Variants in FBXO41 observed in about 807,000 individuals in gnomAD.
FBXO41 encodes the protein F-box protein 41, also known as F-box only protein 41.
Under a neutral mutation model 81.6 loss-of-function variants are expected in FBXO41, and 33 were observed. The ratio of observed to expected loss-of-function variants is 0.40; its 90% CI spans 0.31 to 0.54. The LOEUF is 0.54. Among genes scored for constraint, FBXO41 ranks in the 20% least tolerant of loss-of-function variants. The pLI, the probability that FBXO41 is intolerant of heterozygous loss-of-function variation, is 0.39. For synonymous variants in FBXO41, 576 were observed against 552.7 expected (o/e 1.04, Z -0.59); for missense variants, 1,107 against 1,236.0 (o/e 0.90, Z 1.56).
intron 1 of FBXO41, among the ~76,000 whole-genome samples, chr2:73,280,028 A>T (rs930762219): frequency 2.0e-5 from 3 of 152,202 alleles, no homozygotes; most frequent in Admixed American, 2.0e-4. Flanking sequence ...CAATGCCCCA[A>T]CACCCGCCTT....
chr2:73,269,670 C>T lies in FBXO41; in HGVS notation c.-40G>A. On this transcript the variant is annotated 5_prime_UTR_variant, in exon 2 of 13. Transcript: ENST00000520530. The surrounding 1 kb of genome is among the most constrained non-coding windows in gnomAD (Gnocchi z 7.0). ...CGCGGCACGCGGGCTCCACCGCGGC[C>T]GCCCCGCCGGTCAGCCGGGCGCGCT... 17 of 1,142,850 alleles carry T rather than the reference C, an allele frequency of 1.5e-5. No individual in the cohort carries two copies. Among genetic ancestry groups the T allele is most frequent in the Non-Finnish European group, 1.8e-5 (17 of 933,552 alleles). The allele number at this position is 1,142,850 out of a possible 1,614,324, so 70.8% of individuals were successfully genotyped here. A position where few individuals can be genotyped will look rare whatever the true frequency, so the allele number is the denominator to read the frequency against.
rs769972947 is a variant in FBXO41 at position 73,270,911 on chromosome 2, G to A, written c.-138-1143C>T. ...CACCTGCTGATCAGACAAGCCAGTT[G>A]TCATCAAGGGTCTTCACCTACTTGG... On this transcript the variant is annotated intron_variant, in intron 1 of 12. Coordinates refer to ENST00000520530, the MANE Select transcript of FBXO41 (RefSeq NM_001371389.2). The A allele has an allele frequency of 9.4e-6, 5 of 534,556 alleles. No individual in the cohort carries two copies. The Admixed American group carries it at 9.7e-5, about 10-fold the overall frequency. 33.1% of individuals were successfully genotyped at this position (534,556 alleles called of 1,614,324 possible).
At position 73,269,613 on chromosome 2, in the gene FBXO41, C is replaced by G; in HGVS notation, c.18G>C (p.Leu6=). Residue 6 remains leucine (L), a synonymous_variant, in exon 2 of 13, where the codon CTG becomes CTC. Transcript: ENST00000520530. The surrounding 1 kb of genome is among the most constrained non-coding windows in gnomAD (Gnocchi z 7.0). MASLD[L]PYRCPRCGEH... ...CCCCGCAGCGGGGGCAGCGGTACGG[C>G]AGGTCCAGCGAGGCCATGGCCCCGC... The G allele has an allele frequency of 7.8e-7, 1 of 1,282,856 alleles. No individual in the cohort carries two copies. The highest frequency in any genetic ancestry group is 1.6e-5 in the African/African-American group (1 of 63,650). 79.5% of individuals were successfully genotyped at this position (1,282,856 alleles called of 1,614,324 possible). A position where few individuals can be genotyped will look rare whatever the true frequency, so the allele number is the denominator to read the frequency against.
At chr2:73,270,486 C>T (rs1417235448) in intron 1 of FBXO41, among the ~76,000 whole-genome samples, 1 of 152,162 alleles carries the variant, frequency 6.6e-6, no homozygotes, top group African/African-American at 2.4e-5. Flanking sequence ...GTTGCAGTGA[C>T]CAAGACATCA....
At position 73,265,599 on chromosome 2, in the gene FBXO41, C is replaced by T; in HGVS notation, c.1247G>A (p.Cys416Tyr). The T allele has an allele frequency of 6.5e-7, 1 of 1,530,550 alleles. No individual in the cohort carries two copies. The highest frequency in any genetic ancestry group is 8.8e-7 in the Non-Finnish European group (1 of 1,140,894). The allele number at this position is 1,530,550 out of a possible 1,614,324, so 94.8% of individuals were successfully genotyped here. Residue 416 changes from cysteine (C) to tyrosine (Y), a missense_variant, in exon 5 of 13, where the codon TGC becomes TAC. Transcript: ENST00000520530. The part of the protein sequence containing the change: ...RVPAASQSSG[C>Y]YDSDSLELPR... ...CAGCTCCAGACTGTCACTGTCATAG[C>T]AGCCTGAGCTCTGGGATGCGGCTGG...
Position 73,269,511 on chromosome 2 carries a change from G to A in FBXO41, c.120C>T (p.Ile40=). ...EYSHTYETLY[I]LSKTNSICDG... ...CGCAGATGCTGTTGGTCTTGGAGAG[G>A]ATGTAGAGCGTCTCGTAGGTGTGGC... The change falls in exon 2 of 13, where the codon ATC becomes ATT. Residue 40 remains isoleucine, a synonymous_variant. Transcript: ENST00000520530. The surrounding 1 kb of genome is among the most constrained non-coding windows in gnomAD (Gnocchi z 7.0). 1 of 1,367,392 alleles carries A rather than the reference G, an allele frequency of 7.3e-7. No homozygotes were observed. Among genetic ancestry groups the A allele is most frequent in the Non-Finnish European group, 9.5e-7 (1 of 1,051,064 alleles). The allele number at this position is 1,367,392 out of a possible 1,614,324, so 84.7% of individuals were successfully genotyped here.
rs1687921928 is a variant in FBXO41, at chr2:73,259,220, C to T, written c.2526G>A (p.Glu842=). The T allele has an allele frequency of 6.2e-7, 1 of 1,613,906 alleles. No homozygotes were observed. Among genetic ancestry groups the T allele is most frequent in the African/African-American group, 1.3e-5 (1 of 74,932 alleles). The change falls in exon 12 of 13, where the codon GAG becomes GAA. Residue 842 remains glutamate, a synonymous_variant. Transcript: ENST00000520530. This position sits in a 1 kb window ranked among gnomAD's most constrained non-coding sequence, Gnocchi z 4.2. ...ADYFKEPSSP[E]AQKLFEDMVT... The stretch of plus-strand genomic sequence containing the variant: ...CCATGTCCTCAAACAGCTTCTGGGC[C>T]TCAGGGCTGCTGGGCTCTTTGAAAT...
chr2:73,265,775 C>G, intron 4 of FBXO41, 118 bp downstream of exon 4: 1 of 1,433,676 alleles, frequency 7.0e-7, no homozygotes, highest in Non-Finnish European at 9.4e-7. Flanking sequence ...TGTGGAAAGG[C>G]AGACATACGT....
Position 73,264,471 on chromosome 2 carries a change from C to T in FBXO41, c.1613G>A (p.Ser538Asn), listed in dbSNP as rs541815872. The T allele has an allele frequency of 1.9e-6, 3 of 1,613,900 alleles. No homozygotes were observed. Among genetic ancestry groups the T allele is most frequent in the East Asian group, 2.2e-5 (1 of 44,890 alleles). Residue 538 changes from serine (S) to asparagine (N), a missense_variant, in exon 6 of 13, where the codon AGC becomes AAC. Ser to Asn is a conservative substitution (Grantham distance 46). This residue lies in a region of FBXO41 where 771 missense variants were observed against 789.2 expected (regional missense o/e 0.98). Transcript: ENST00000520530. ...SGRGRRAERV[S>N]PSRSNEVISP... ...GATGACCTCATTGGAGCGTGAGGGG[C>T]TGACCCTCTCTGCTCGCCGACCCCG...
Position 73,269,476 on chromosome 2 carries a change from G to C in FBXO41, c.155C>G (p.Ala52Gly). The C allele has an allele frequency of 7.8e-7, 1 of 1,282,086 alleles. No individual in the cohort carries two copies. The highest frequency in any genetic ancestry group is 9.9e-7 in the Non-Finnish European group (1 of 1,011,460). The allele number at this position is 1,282,086 out of a possible 1,614,324, so 79.4% of individuals were successfully genotyped here. A position where few individuals can be genotyped will look rare whatever the true frequency, so the allele number is the denominator to read the frequency against. ...SKTNSICDGA[A>G]AAAAAAAAAS... ...AGCGGCGGCGGCGGCCGCGGCGGCG[G>C]CGGCGCCGTCGCAGATGCTGTTGGT... The change falls in exon 2 of 13, where the codon GCC (alanine) becomes GGC (glycine). Residue 52 changes from alanine (A) to glycine (G), a missense_variant. Around this residue, in one of 2 missense-constraint regions of FBXO41, gnomAD observed 771 missense variants for 789.2 expected, o/e 0.98. Transcript: ENST00000520530. The surrounding 1 kb of genome is among the most constrained non-coding windows in gnomAD (Gnocchi z 7.0).
chr2:73,280,525 C>T (rs949236498), intron 1 of FBXO41, among the ~76,000 whole-genome samples: 7 of 152,230 alleles, frequency 4.6e-5, no homozygotes, highest in Non-Finnish European at 8.8e-5. Flanking sequence ...TGCTTCTCTC[C>T]CATGTGTGTT....
Position 73,269,115 on chromosome 2 carries a change from C to G in FBXO41, c.516G>C (p.Pro172=), listed in dbSNP as rs1391952151. The G allele has an allele frequency of 6.6e-7, 1 of 1,509,528 alleles. No homozygotes were observed. The highest frequency in any genetic ancestry group is 8.8e-7 in the Non-Finnish European group (1 of 1,136,766). The allele number at this position is 1,509,528 out of a possible 1,614,324, so 93.5% of individuals were successfully genotyped here. A position where few individuals can be genotyped will look rare whatever the true frequency, so the allele number is the denominator to read the frequency against. The change falls in exon 2 of 13, where the codon CCG becomes CCC. Residue 172 remains proline, a synonymous_variant. Coordinates refer to ENST00000520530, the MANE Select transcript of FBXO41 (RefSeq NM_001371389.2). This position sits in a 1 kb window ranked among gnomAD's most constrained non-coding sequence, Gnocchi z 7.0. ...GGCAAGGGCCGGGGCCGGGGCCAGG[C>G]GGCGGCGTCGAGCACGCCGAGGACG... ...SVASSACSTP[P]PGPGPGPCPG... is the part of the protein sequence containing the mutation.
Position 73,268,582 on chromosome 2 carries a change from C to T in FBXO41, c.905+144G>A, listed in dbSNP as rs1688364269. 9.2e-6 allele frequency: 7 copies of T among 762,174 alleles called. No individual in the cohort carries two copies. In the South Asian group the frequency reaches 1.4e-4, roughly 15 times the overall value. The allele number at this position is 762,174 out of a possible 1,614,324, so 47.2% of individuals were successfully genotyped here. On this transcript the variant is annotated intron_variant, in intron 2 of 12. Coordinates refer to ENST00000520530, the MANE Select transcript of FBXO41 (RefSeq NM_001371389.2). ...CACATATCATCATGACACTCTTGGCCCCACATGCATGCTCCTGGCCACGGA... is the reference window on the plus strand; with the variant it reads ...CACATATCATCATGACACTCTTGGCTCCACATGCATGCTCCTGGCCACGGA...
rs1687866564 is a variant in FBXO41, at chr2:73,257,720, T to TC, written c.*1261dup. ...TTGGAGCCTTGGTTCTGAGACCTGA[T>TC]CCTTTGGGGACTGCAAAGGCCAGTG... is the stretch of plus-strand genomic sequence containing the variant. On this transcript the variant is annotated 3_prime_UTR_variant, in exon 13 of 13. Transcript: ENST00000520530. The surrounding 1 kb of genome is among the most constrained non-coding windows in gnomAD (Gnocchi z 4.6). 6.6e-6 allele frequency: 1 copy of TC among 152,192 alleles called. No individual in the cohort carries two copies. Among genetic ancestry groups the TC allele is most frequent in the African/African-American group, 2.4e-5 (1 of 41,438 alleles). 9.4% of individuals were successfully genotyped at this position (152,192 alleles called of 1,614,324 possible).
At chr2:73,265,663 G>A (rs1415875407) in intron 4 of FBXO41, 23 bp from the exon 5 acceptor site, 1 of 1,482,770 alleles carries the variant, frequency 6.7e-7, no homozygotes, top group South Asian at 1.4e-5. Context: ...GGACCACACA[G>A]TAAGGGGTAA....
Position 73,259,862 on chromosome 2 carries a change from G to A in FBXO41, c.2449+527C>T, listed in dbSNP as rs932184388. On this transcript the variant is annotated intron_variant, in intron 11 of 12. Coordinates refer to ENST00000520530, the MANE Select transcript of FBXO41 (RefSeq NM_001371389.2). This position sits in a 1 kb window ranked among gnomAD's most constrained non-coding sequence, Gnocchi z 4.2. The stretch of plus-strand genomic sequence containing the variant: ...AGGAAGGTCTTGGAAAGAGGGTCAA[G>A]GCACCTTGGCGCAGTTGGCATGGGG... Among the ~76,000 whole-genome samples the A allele has an allele frequency of 6.6e-6, 1 of 152,126 alleles. No homozygotes were observed. The highest frequency in any genetic ancestry group is 6.5e-5 in the Admixed American group (1 of 15,274).
At position 73,266,684 on chromosome 2, in the gene FBXO41, TG is replaced by T. The variant is rs758929230; in HGVS notation, c.906-3del. On this transcript the variant is annotated splice_region_variant and splice_polypyrimidine_tract_variant and intron_variant, in intron 2 of 12. Transcript: ENST00000520530. The surrounding 1 kb of genome is among the most constrained non-coding windows in gnomAD (Gnocchi z 5.3). ...AACTGGTCGATCTGCACCACCTCCC[TG>T]GGCCCAGAGCAGTCTCTTACCCCAG... is the stretch of plus-strand genomic sequence containing the variant. The T allele has an allele frequency of 6.3e-7, 1 of 1,575,754 alleles. No homozygotes were observed. The highest frequency in any genetic ancestry group is 1.2e-5 in the South Asian group (1 of 86,352).
chr2:73,262,877 C>G (rs866467752), intron 9 of FBXO41, among the ~76,000 whole-genome samples: 1 of 152,190 alleles, frequency 6.6e-6, no homozygotes, highest in Non-Finnish European at 1.5e-5. Context: ...TCCCCAGTAG[C>G]TGGGATTACA....
At position 73,269,417 on chromosome 2, in the gene FBXO41, C is replaced by A; in HGVS notation, c.214G>T (p.Ala72Ser). The A allele has an allele frequency of 7.1e-7, 1 of 1,399,838 alleles. No homozygotes were observed. Among genetic ancestry groups the A allele is most frequent in the Non-Finnish European group, 9.3e-7 (1 of 1,081,034 alleles). The allele number at this position is 1,399,838 out of a possible 1,614,324, so 86.7% of individuals were successfully genotyped here. A position where few individuals can be genotyped will look rare whatever the true frequency, so the allele number is the denominator to read the frequency against. ...CGGGCGCCGGGCACGGCCAGCAGGG[C>A]GGCGGGCTCGGGAGCCAGCGGGAAC... ...SGFPLAPEPAALLAVPGARRE... is the reference protein window; with the variant it reads ...SGFPLAPEPASLLAVPGARRE... Residue 72 changes from alanine to serine, a missense_variant, in exon 2 of 13, where the codon GCC (alanine) becomes TCC (serine). Coordinates refer to ENST00000520530, the MANE Select transcript of FBXO41 (RefSeq NM_001371389.2). This position sits in a 1 kb window ranked among gnomAD's most constrained non-coding sequence, Gnocchi z 7.0.
Sources: gnomAD v4.1 joint callset for allele counts (sites outside exome capture counted in the v4.1 genomes callset) on GRCh38, gnomAD v4.1.1 for gene constraint, gnomAD v4.1.1 regional missense constraint, Gnocchi (gnomAD v3.1) non-coding constraint, MANE v1.5 for transcripts, NCBI Gene and HGNC (gene_info 2026-07-23, HGNC 2026-07-21) for gene names.